Variants in SUGCT observed in about 807,000 individuals in gnomAD.
SUGCT encodes the protein succinyl-CoA:glutarate-CoA transferase.
Under a neutral mutation model 55.0 loss-of-function variants are expected in SUGCT, and 41 were observed. The ratio of observed to expected loss-of-function variants is 0.74; its 90% CI spans 0.58 to 0.97. SUGCT has a LOEUF of 0.97. SUGCT is among the 50% of genes least tolerant of loss of function. The pLI is 0.00. For synonymous variants in SUGCT, 187 were observed against 200.4 expected (o/e 0.93, Z 0.56); for missense variants, 568 against 547.8 (o/e 1.04, Z -0.37).
intron 11 of SUGCT, among the ~76,000 whole-genome samples, chr7:40,471,446 C>A (rs1304380594): frequency 6.6e-6 from 1 of 151,836 alleles, no homozygotes; most frequent in African/African-American, 2.4e-5. Context: ...CTATATAATT[C>A]AAAATGTAAT....
chr7:40,753,495 T>C (rs952720494), intron 13 of SUGCT, among the ~76,000 whole-genome samples: 5 of 152,188 alleles, frequency 3.3e-5, no homozygotes, highest in African/African-American at 1.2e-4. Context: ...CTTATTAGGA[T>C]TGTTATTAGC....
chr7:41,004,907 G>T, the SUGCT span, among the ~76,000 whole-genome samples: 1 of 152,142 alleles, frequency 6.6e-6, no homozygotes, highest in African/African-American at 2.4e-5. Context: ...GAAGTTAATG[G>T]AACTTAGAGA....
intron 13 of SUGCT, among the ~76,000 whole-genome samples, chr7:40,848,395 A>G (rs1192361715): frequency 6.6e-6 from 1 of 152,138 alleles, no homozygotes; most frequent in African/African-American, 2.4e-5. Flanking sequence ...CTCTTGGGAA[A>G]AATAGCCACA....
intron 12 of SUGCT, among the ~76,000 whole-genome samples, chr7:40,581,707 C>T (rs1216111240): frequency 6.6e-6 from 1 of 152,096 alleles, no homozygotes; most frequent in African/African-American, 2.4e-5. Context: ...AATAGGAACA[C>T]CCATAGGCTA....
At chr7:40,364,949 G>A (rs1783851274) in intron 9 of SUGCT, among the ~76,000 whole-genome samples, 1 of 152,048 alleles carries the variant, frequency 6.6e-6, no homozygotes, top group Non-Finnish European at 1.5e-5. Context: ...GCCGGGCAGA[G>A]ACACAACCAA....
chr7:40,198,820 A>G (rs1248464343), intron 6 of SUGCT, among the ~76,000 whole-genome samples: 1 of 151,982 alleles, frequency 6.6e-6, no homozygotes, highest in Admixed American at 6.6e-5. Context: ...AACATGACGA[A>G]ACCCCGTCTC....
intron 12 of SUGCT, among the ~76,000 whole-genome samples, chr7:40,720,082 G>A (rs911751683): frequency 1.3e-5 from 2 of 152,160 alleles, no homozygotes; most frequent in African/African-American, 2.4e-5. Context: ...CAGCACACCA[G>A]GCTGGGAGCA....
chr7:40,832,933 C>T (rs1000919495), intron 13 of SUGCT, among the ~76,000 whole-genome samples: 1 of 152,046 alleles, frequency 6.6e-6, no homozygotes, highest in African/African-American at 2.4e-5. Context: ...CTCAGCCTCC[C>T]AAAGTGCTGG....
At chr7:40,613,132 A>T (rs941032792) in intron 12 of SUGCT, among the ~76,000 whole-genome samples, 2 of 149,616 alleles carry the variant, frequency 1.3e-5, no homozygotes, top group African/African-American at 4.9e-5. Flanking sequence ...GACTCCATCT[A>T]AAAAAAAAAT....
At chr7:40,633,478 T>C (rs1356969849) in intron 12 of SUGCT, among the ~76,000 whole-genome samples, 1 of 152,250 alleles carries the variant, frequency 6.6e-6, no homozygotes, top group African/African-American at 2.4e-5. Context: ...AACTGACATG[T>C]AGACAAGTAT....
At chr7:40,245,423 A>ATATATATATTT (rs1344678220) in intron 7 of SUGCT, among the ~76,000 whole-genome samples, 1 of 54,602 alleles carries the variant, frequency 1.8e-5, no homozygotes, top group African/African-American at 8.9e-5. Context: ...ATATATATAT[A>ATATATATATTT]TTTTTTTTTT....
intron 11 of SUGCT, among the ~76,000 whole-genome samples, chr7:40,470,541 T>C (rs1790349130): frequency 1.3e-5 from 2 of 152,140 alleles, no homozygotes; most frequent in African/African-American, 4.8e-5. Context: ...GCTCACTGCT[T>C]CCATTGGCTG....
the SUGCT span, among the ~76,000 whole-genome samples, chr7:40,876,937 A>T: frequency 3.9e-5 from 6 of 152,060 alleles, no homozygotes; most frequent in East Asian, 1.2e-3. Context: ...TTTCCCCGAG[A>T]TCTTTTTTTT....
At chr7:40,523,497 T>C (rs754693467) in intron 12 of SUGCT, among the ~76,000 whole-genome samples, 3 of 152,098 alleles carry the variant, frequency 2.0e-5, no homozygotes, top group Non-Finnish European at 4.4e-5. Context: ...TTTCTATGAT[T>C]GCTAGAAAAA....
chr7:40,306,524 T>A (rs1794860370), intron 8 of SUGCT, among the ~76,000 whole-genome samples: 1 of 152,240 alleles, frequency 6.6e-6, no homozygotes, highest in Non-Finnish European at 1.5e-5. Flanking sequence ...ATCTGTTAAA[T>A]GCATGAAGAA....
At chr7:40,850,248 G>A (rs966559218) in intron 13 of SUGCT, among the ~76,000 whole-genome samples, 3 of 152,180 alleles carry the variant, frequency 2.0e-5, no homozygotes, top group African/African-American at 7.2e-5. Flanking sequence ...GACTGTCTGA[G>A]TGTGAATCAT....
the SUGCT span, among the ~76,000 whole-genome samples, chr7:40,866,918 T>C: frequency 6.6e-6 from 1 of 151,598 alleles, no homozygotes; most frequent in Non-Finnish European, 1.5e-5. Flanking sequence ...TGACATGAGG[T>C]GAAATGAGTA....
chr7:40,949,544 A>G, the SUGCT span, among the ~76,000 whole-genome samples: 5,930 of 152,196 alleles, frequency 0.039, 388 homozygotes, highest in African/African-American at 0.14. Flanking sequence ...CTTATGTCCT[A>G]AATGGTATTG....
chr7:40,226,585 C>A (rs1788372780), intron 6 of SUGCT, among the ~76,000 whole-genome samples: 1 of 150,828 alleles, frequency 6.6e-6, no homozygotes, highest in Non-Finnish European at 1.5e-5. Context: ...AGAAAACTAA[C>A]TCTTTTTTTT....
Sources: gnomAD v4.1 joint callset for allele counts (sites outside exome capture counted in the v4.1 genomes callset) on GRCh38, gnomAD v4.1.1 for gene constraint, MANE v1.5 for transcripts, NCBI Gene and HGNC (gene_info 2026-07-23, HGNC 2026-07-21) for gene names.